Variants in FAIM2 observed in about 807,000 individuals in gnomAD.
FAIM2 encodes the protein Fas apoptotic inhibitory molecule 2.
FAIM2 carries 27 observed loss-of-function variants against 47.4 expected under a neutral mutation model. The observed-to-expected ratio is 0.57, with a 90% CI of 0.42 to 0.78. FAIM2 has a LOEUF of 0.78. Ranked by LOEUF, FAIM2 falls within the 30% of genes least tolerant of loss-of-function variation. The pLI is 0.00. For missense variants in FAIM2, 311 were observed against 389.4 expected (o/e 0.80, Z 1.69); for synonymous variants, 156 against 159.3 (o/e 0.98, Z 0.16).
chr12:49,901,179 TG>T lies in FAIM2; in HGVS notation c.161del (p.Pro54GlnfsTer58). The T allele has an allele frequency of 1.2e-6, 2 of 1,607,400 alleles. No individual in the cohort carries two copies. Among genetic ancestry groups the T allele is most frequent in the South Asian group, 1.1e-5 (1 of 90,162 alleles). ...GGTGGAGAGGCACCGCTGTGGGGGCTGGGGGGAAGGCCCCTGCCTTCATCCC... is the reference window on the plus strand; with the variant it reads ...GGTGGAGAGGCACCGCTGTGGGGGCTGGGGGAAGGCCCCTGCCTTCATCCC... ...GEGMKAGAFP[P>X]APTAVPLHPS... On this transcript the variant is annotated frameshift_variant, in exon 2 of 12. Coordinates refer to ENST00000320634, the MANE Select transcript of FAIM2 (RefSeq NM_012306.4). LOFTEE classifies it high-confidence loss of function.
At chr12:49,891,022 T>A (rs747690366) in intron 6 of FAIM2, 42 bp downstream of exon 6, 9 of 1,599,848 alleles carry the variant, frequency 5.6e-6, no homozygotes, top group Non-Finnish European at 7.7e-6. Flanking sequence ...TTCATGATCC[T>A]GCTCATATTC....
rs1452612469 is a variant in FAIM2, at chr12:49,870,669, A to G, written c.802-16T>C. The G allele has an allele frequency of 2.6e-6, 4 of 1,528,390 alleles. No homozygotes were observed. The highest frequency in any genetic ancestry group is 2.4e-5 in the South Asian group (2 of 84,306). 94.7% of individuals were successfully genotyped at this position (1,528,390 alleles called of 1,614,324 possible). On this transcript the variant is annotated splice_polypyrimidine_tract_variant and intron_variant, in intron 11 of 11. Coordinates refer to ENST00000320634, the MANE Select transcript of FAIM2 (RefSeq NM_012306.4). ...GTGCCAGGAACTGGGAGAAGTGAGG[A>G]GAGAGAGAGAGAGGTCAGAGGCCCA...
intron 11 of FAIM2, among the ~76,000 whole-genome samples, chr12:49,885,651 T>C (rs1051445122): frequency 6.6e-6 from 1 of 152,184 alleles, no homozygotes; most frequent in African/African-American, 2.4e-5. Context: ...TGGGGTAAGC[T>C]GACACTTTAG....
intron 11 of FAIM2, among the ~76,000 whole-genome samples, chr12:49,875,786 C>G (rs534081808): frequency 2.0e-5 from 3 of 152,200 alleles, no homozygotes; most frequent in Admixed American, 1.3e-4. Context: ...ACCAGCCTGG[C>G]CAACACGATG....
chr12:49,890,735 CCA>C lies in FAIM2; in HGVS notation c.486-15_486-14del. ...GGGGAAATGCCTCCTGCAAGGCAAG[CCA>C]CAGAGTTCAGGGGATCGTAGGGGGT... is the stretch of plus-strand genomic sequence containing the variant. On this transcript the variant is annotated splice_polypyrimidine_tract_variant and intron_variant, in intron 6 of 11. Transcript: ENST00000320634. 1 of 1,613,806 alleles carries C rather than the reference CCA, an allele frequency of 6.2e-7. No homozygotes were observed. Among genetic ancestry groups the C allele is most frequent in the Non-Finnish European group, 8.5e-7 (1 of 1,179,730 alleles).
chr12:49,897,589 G>C lies in FAIM2; in HGVS notation c.316-6C>G. On this transcript the variant is annotated splice_region_variant and splice_polypyrimidine_tract_variant and intron_variant, in intron 3 of 11. Transcript: ENST00000320634. ...ATCAGCAGGATGGTGTAGACCTGGG[G>C]GTGGGAGGGGTTCTACTCAGCTTGG... 6.2e-7 allele frequency: 1 copy of C among 1,610,708 alleles called. No homozygotes were observed. The highest frequency in any genetic ancestry group is 8.5e-7 in the Non-Finnish European group (1 of 1,178,304).
Position 49,867,175 on chromosome 12 carries a change from G to A in FAIM2, c.*3329C>T, listed in dbSNP as rs1444599284. The A allele has an allele frequency of 6.6e-6, 1 of 152,328 alleles. No individual in the cohort carries two copies. Among genetic ancestry groups the A allele is most frequent in the Non-Finnish European group, 1.5e-5 (1 of 68,158 alleles). The allele number at this position is 152,328 out of a possible 1,614,324, so 9.4% of individuals were successfully genotyped here. A position where few individuals can be genotyped will look rare whatever the true frequency, so the allele number is the denominator to read the frequency against. On this transcript the variant is annotated 3_prime_UTR_variant, in exon 12 of 12. Transcript: ENST00000320634. The stretch of plus-strand genomic sequence containing the variant: ...AAAAGAAAACAGCGGTGGCTGATGA[G>A]AAGACAGGTCTGGGGAGGTCTGAGG...
chr12:49,879,337 T>TGC (rs1420689719), intron 11 of FAIM2, among the ~76,000 whole-genome samples: 1 of 148,796 alleles, frequency 6.7e-6, no homozygotes, highest in African/African-American at 2.5e-5. Flanking sequence ...TGTGTATGTG[T>TGC]TTATGTGTGC....
chr12:49,883,818 C>T (rs149424029), intron 11 of FAIM2, among the ~76,000 whole-genome samples: 1,643 of 152,114 alleles, frequency 0.011, 15 homozygotes, highest in Non-Finnish European at 0.017. Flanking sequence ...GGGAAGGAAC[C>T]GTTGTATCCA....
chr12:49,903,509 G>A (rs560847162), intron 1 of FAIM2, among the ~76,000 whole-genome samples: 3 of 152,338 alleles, frequency 2.0e-5, no homozygotes, highest in African/African-American at 7.2e-5. Flanking sequence ...GGGGGGCCTG[G>A]GTATCTGTGA....
chr12:49,899,252 T>C (rs1004674786), intron 2 of FAIM2, among the ~76,000 whole-genome samples: 1 of 152,178 alleles, frequency 6.6e-6, no homozygotes, highest in Non-Finnish European at 1.5e-5. Context: ...GTGCCCCTCA[T>C]CGTGGCCATT....
intron 11 of FAIM2, among the ~76,000 whole-genome samples, chr12:49,880,680 G>A (rs1166030268): frequency 2.0e-5 from 3 of 151,764 alleles, no homozygotes; most frequent in Non-Finnish European, 2.9e-5. Flanking sequence ...GTGTCTATAT[G>A]TGCATGTGTA....
intron 5 of FAIM2, among the ~76,000 whole-genome samples, chr12:49,893,962 C>T (rs1946917967): frequency 1.3e-5 from 2 of 152,212 alleles, no homozygotes; most frequent in Admixed American, 6.5e-5. Context: ...GCCCAGTCTC[C>T]TTTTCTCTCT....
chr12:49,879,302 ATGCATG>A (rs1312534062), intron 11 of FAIM2, among the ~76,000 whole-genome samples: 5 of 111,182 alleles, frequency 4.5e-5, no homozygotes, highest in African/African-American at 7.5e-5. Context: ...GGGTATGTGT[ATGCATG>A]TGCATGTGTA....
At chr12:49,888,734 A>C (rs999608550) in intron 10 of FAIM2, among the ~76,000 whole-genome samples, 1 of 152,170 alleles carries the variant, frequency 6.6e-6, no homozygotes, top group Non-Finnish European at 1.5e-5. Flanking sequence ...CAGGAGCCCC[A>C]GAAGACCCTT....
chr12:49,902,303 C>G (rs1480866584), intron 1 of FAIM2: 1 of 152,220 alleles, frequency 6.6e-6, no homozygotes, highest in African/African-American at 2.4e-5. Context: ...GAAACAGCAA[C>G]AAAAAGCCCG....
At chr12:49,871,347 T>C (rs1244856724) in intron 11 of FAIM2, among the ~76,000 whole-genome samples, 3 of 152,202 alleles carry the variant, frequency 2.0e-5, no homozygotes, top group African/African-American at 7.2e-5. Flanking sequence ...CCGGGGTTAA[T>C]GCCTTTCCTC....
At chr12:49,876,645 G>A (rs913746335) in intron 11 of FAIM2, among the ~76,000 whole-genome samples, 23 of 151,922 alleles carry the variant, frequency 1.5e-4, no homozygotes, top group Non-Finnish European at 2.6e-4. Context: ...GGTGGTGCAC[G>A]CCTGTAGTCC....
chr12:49,888,307 C>T (rs1035274299), intron 10 of FAIM2, among the ~76,000 whole-genome samples: 1 of 152,292 alleles, frequency 6.6e-6, no homozygotes, highest in Non-Finnish European at 1.5e-5. Context: ...GCCAAGTGCC[C>T]GGAGGCTGGG....
Sources: gnomAD v4.1 joint callset for allele counts (sites outside exome capture counted in the v4.1 genomes callset) on GRCh38, gnomAD v4.1.1 for gene constraint, MANE v1.5 for transcripts, NCBI Gene and HGNC (gene_info 2026-07-23, HGNC 2026-07-21) for gene names.